The following SUPT6H variants were observed in gnomAD, a reference collection of about 807,000 sequenced individuals.
SUPT6H encodes transcription elongation factor SPT6.
Under a neutral mutation model 222.3 loss-of-function variants are expected in SUPT6H, and 11 were observed. That is an observed-to-expected ratio of 0.05 (90% CI 0.03 to 0.08). The LOEUF (loss-of-function observed/expected upper bound fraction) is 0.08. SUPT6H is among the 10% of genes least tolerant of loss of function. The pLI is 1.00. For missense variants in SUPT6H, 1,422 were observed against 2,216.0 expected, an observed-to-expected ratio of 0.64 and a Z score of 7.19; for synonymous variants, 762 against 801.2, an observed-to-expected ratio of 0.95 and a Z score of 0.83.
intron 35 of SUPT6H, 37 bp from the exon 36 acceptor site, chr17:28,700,904 C>T (rs1167661055): frequency 5.7e-6 from 9 of 1,579,050 alleles, no homozygotes; most frequent in Non-Finnish European, 7.8e-6. Context: ...AAACAAGCCC[C>T]ACACCCATCC....
chr17:28,664,941 A>G (rs1225919130), intron 1 of SUPT6H, among the ~76,000 whole-genome samples: 3 of 152,108 alleles, frequency 2.0e-5, no homozygotes, highest in African/African-American at 4.8e-5. Context: ...TCTATTCTCC[A>G]TCTTCACTTT....
At position 28,697,893 on chromosome 17, in the gene SUPT6H, A is replaced by G. The variant is rs368246409; in HGVS notation, c.4324-13A>G. 660 of 1,613,392 alleles carry G rather than the reference A, an allele frequency of 4.1e-4. 1 individual carries two copies. The highest frequency in any genetic ancestry group is 5.1e-4 in the Non-Finnish European group (602 of 1,179,768). On this transcript the variant is annotated splice_polypyrimidine_tract_variant and intron_variant, in intron 31 of 36. Transcript: ENST00000314616. Reference sequence around the variant, plus strand: ...GCTGCTATCCCAACCTCTCCCCCTCATTCTACCCCCAGAAATTAGAGGAGC... The same window carrying G: ...GCTGCTATCCCAACCTCTCCCCCTCGTTCTACCCCCAGAAATTAGAGGAGC...
chr17:28,683,896 C>A (rs886329216), intron 17 of SUPT6H, 80 bp downstream of exon 17: 1 of 1,346,668 alleles, frequency 7.4e-7, no homozygotes, highest in Non-Finnish European at 9.9e-7. Context: ...AGTGCAGTGG[C>A]GCAATCTTGG....
chr17:28,677,160 CT>C (rs2030798094), intron 7 of SUPT6H, among the ~76,000 whole-genome samples: 1 of 150,616 alleles, frequency 6.6e-6, no homozygotes, highest in Admixed American at 6.6e-5. Flanking sequence ...ATTGCCTGAG[CT>C]CAGGAGTTAG....
chr17:28,680,784 A>C (rs2031059689), intron 11 of SUPT6H, among the ~76,000 whole-genome samples: 1 of 152,000 alleles, frequency 6.6e-6, no homozygotes, highest in African/African-American at 2.4e-5. Flanking sequence ...AGTAGCTGGG[A>C]CTACAGGCAC....
rs775180138 is a variant in SUPT6H at position 28,683,259 on chromosome 17, T to C, written c.1879-9T>C. ...CCGCAGGCTCATGATTCCCCCTTCA[T>C]GTGTGCAGGATGTGGATGAGGCCCA... On this transcript the variant is annotated splice_polypyrimidine_tract_variant and intron_variant, in intron 15 of 36. Coordinates refer to ENST00000314616, the MANE Select transcript of SUPT6H (RefSeq NM_003170.5). 3 of 1,613,508 alleles carry C rather than the reference T, an allele frequency of 1.9e-6. No homozygotes were observed. The highest frequency in any genetic ancestry group is 1.1e-5 in the South Asian group (1 of 91,048).
intron 8 of SUPT6H, 43 bp from the exon 9 acceptor site, chr17:28,678,033 C>G (rs762475709): frequency 2.4e-5 from 37 of 1,574,360 alleles, no homozygotes; most frequent in Non-Finnish European, 3.1e-5. Flanking sequence ...TAAGACAAAC[C>G]AAGTAAACAT....
Position 28,688,289 on chromosome 17 carries a change from G to C in SUPT6H, c.3134+71G>C. On this transcript the variant is annotated intron_variant, in intron 24 of 36. Transcript: ENST00000314616. This position sits in a 1 kb window ranked among gnomAD's most constrained non-coding sequence, Gnocchi z 4.3. ...CTTTGTTTTCGGGTTTCAGGGGTTA[G>C]GGCTATCAAAGGGCCACAAGCCATT... is the stretch of plus-strand genomic sequence containing the variant. 1 of 1,530,224 alleles carries C rather than the reference G, an allele frequency of 6.5e-7. No individual in the cohort carries two copies. Among genetic ancestry groups the C allele is most frequent in the Non-Finnish European group, 8.8e-7 (1 of 1,137,812 alleles). The allele number at this position is 1,530,224 out of a possible 1,614,324, so 94.8% of individuals were successfully genotyped here. A position where few individuals can be genotyped will look rare whatever the true frequency, so the allele number is the denominator to read the frequency against.
At position 28,683,372 on chromosome 17, in the gene SUPT6H, C is replaced by A; in HGVS notation, c.1983C>A (p.Asp661Glu). 1 of 1,614,084 alleles carries A rather than the reference C, an allele frequency of 6.2e-7. No homozygotes were observed. Among genetic ancestry groups the A allele is most frequent in the Non-Finnish European group, 8.5e-7 (1 of 1,180,020 alleles). The change falls in exon 16 of 37, where the codon GAC becomes GAA. Residue 661 changes from aspartate (D) to glutamate (E), a missense_variant. Coordinates refer to ENST00000314616, the MANE Select transcript of SUPT6H (RefSeq NM_003170.5). ...DQFLKICLAE[D>E]EGLLTTDISI... ...TTCTCAAGATATGCCTGGCTGAAGA[C>A]GAAGGGCTCCTCACCACTGACATCA... is the stretch of plus-strand genomic sequence containing the variant.
At chr17:28,687,979 C>T in intron 23 of SUPT6H, 112 bp from the exon 24 acceptor site, 3 of 1,086,986 alleles carry the variant, frequency 2.8e-6, no homozygotes, top group Non-Finnish European at 1.2e-6. Flanking sequence ...TAGTGCTCAA[C>T]TAGATACTGG....
chr17:28,684,519 A>G, intron 17 of SUPT6H, 67 bp from the exon 18 acceptor site: 1 of 1,590,448 alleles, frequency 6.3e-7, no homozygotes, highest in Non-Finnish European at 8.6e-7. Flanking sequence ...TTTCCATAGC[A>G]CTCTTGGTGA....
intron 1 of SUPT6H, among the ~76,000 whole-genome samples, chr17:28,669,032 C>CT (rs2030257129): frequency 6.6e-6 from 1 of 152,172 alleles, no homozygotes; most frequent in African/African-American, 2.4e-5. Context: ...CCTTTATACT[C>CT]TTAAAACTTA....
At chr17:28,678,678 G>A in intron 10 of SUPT6H, 44 bp downstream of exon 10, 4 of 1,611,134 alleles carry the variant, frequency 2.5e-6, no homozygotes, top group Non-Finnish European at 3.4e-6. Context: ...GCCAGGGAAG[G>A]CACCATTACT....
chr17:28,700,786 G>A, intron 35 of SUPT6H, 155 bp from the exon 36 acceptor site: 2 of 1,031,514 alleles, frequency 1.9e-6, no homozygotes, highest in African/African-American at 3.2e-5. Flanking sequence ...GCTCGGTGCT[G>A]ACCTGCAGGC....
At chr17:28,697,564 G>A (rs1422974809) in intron 30 of SUPT6H, 56 bp from the exon 31 acceptor site, 16 of 1,451,434 alleles carry the variant, frequency 1.1e-5, no homozygotes, top group Non-Finnish European at 1.5e-5. Context: ...GGATGGATTT[G>A]ATCAAGAATC....
intron 17 of SUPT6H, among the ~76,000 whole-genome samples, chr17:28,684,282 A>C (rs1176523488): frequency 6.6e-6 from 1 of 152,190 alleles, no homozygotes; most frequent in Non-Finnish European, 1.5e-5. Flanking sequence ...ATAATCTGAG[A>C]GGGAATGCTA....
chr17:28,674,474 T>TG, intron 3 of SUPT6H, 33 bp downstream of exon 3: 1 of 1,614,166 alleles, frequency 6.2e-7, no homozygotes, highest in East Asian at 2.2e-5. Context: ...AAGTGAGGCT[T>TG]GGGTGGAGGT....
chr17:28,686,757 G>T lies in SUPT6H; in HGVS notation c.2668G>T (p.Ala890Ser), dbSNP rs770633219. 1.2e-6 allele frequency: 2 copies of T among 1,612,228 alleles called. No homozygotes were observed. Among genetic ancestry groups the T allele is most frequent in the Admixed American group, 3.4e-5 (2 of 59,520 alleles). ...IGVELVDNEL[A>S]ILYMNSKKSE... ...GGTAGAGCTGGTTGACAACGAGTTG[G>T]CCATTCTCTATATGAACAGCAAGAA... is the stretch of plus-strand genomic sequence containing the variant. Residue 890 changes from alanine to serine, a missense_variant, in exon 21 of 37, where the codon GCC (alanine) becomes TCC (serine). Ala to Ser is a moderately conservative substitution (Grantham distance 99). Transcript: ENST00000314616.
chr17:28,685,522 G>T (rs1367962672), intron 19 of SUPT6H, among the ~76,000 whole-genome samples: 2 of 149,980 alleles, frequency 1.3e-5, no homozygotes, highest in Non-Finnish European at 3.0e-5. Context: ...ACAGAGTCTT[G>T]CTCCATCTCC....
Sources: gnomAD v4.1 joint callset for allele counts (sites outside exome capture counted in the v4.1 genomes callset) on GRCh38, gnomAD v4.1.1 for gene constraint, Gnocchi (gnomAD v3.1) non-coding constraint, MANE v1.5 for transcripts, NCBI Gene and HGNC (gene_info 2026-07-23, HGNC 2026-07-21) for gene names.